Variants in WDR49 observed in about 807,000 individuals in gnomAD.
WDR49 encodes the protein cilia- and flagella-associated protein 337.
A neutral mutation model predicts 119.5 loss-of-function variants in WDR49; 107 were observed. The ratio of observed to expected loss-of-function variants is 0.90; its 90% CI spans 0.77 to 1.05. The LOEUF (loss-of-function observed/expected upper bound fraction) is 1.05, where lower values mean the gene tolerates loss of function less well. Among genes scored for constraint, WDR49 ranks in the 50% least tolerant of loss-of-function variants. WDR49 has a pLI of 0.00. For missense variants in WDR49, 1,240 were observed against 1,220.5 expected, an observed-to-expected ratio of 1.02 and a Z score of -0.24; for synonymous variants, 425 against 418.8, an observed-to-expected ratio of 1.01 and a Z score of -0.18.
upstream of WDR49, among the ~76,000 whole-genome samples, chr3:167,656,655 C>T (rs1329806073): frequency 1.4e-4 from 21 of 152,192 alleles, no homozygotes; most frequent in Admixed American, 1.4e-3. Flanking sequence ...AGTTTTCTTG[C>T]TATAAAATTA....
At chr3:167,517,662 T>C (rs2108227198) in intron 16 of WDR49, among the ~76,000 whole-genome samples, 1 of 152,030 alleles carries the variant, frequency 6.6e-6, no homozygotes, top group South Asian at 2.1e-4. Flanking sequence ...AAACTAAAAA[T>C]TGACCAATGA....
intron 2 of WDR49, among the ~76,000 whole-genome samples, chr3:167,629,365 G>A (rs1264124411): frequency 1.3e-5 from 2 of 152,060 alleles, no homozygotes; most frequent in African/African-American, 4.8e-5. Flanking sequence ...GAAGCCCACT[G>A]CTAAGACGTA....
chr3:167,604,662 A>G (rs1715957581), intron 5 of WDR49, among the ~76,000 whole-genome samples, 194 bp from the exon 6 acceptor site: 1 of 152,160 alleles, frequency 6.6e-6, no homozygotes, highest in Non-Finnish European at 1.5e-5. Flanking sequence ...AGTTACAGGA[A>G]ATTCTACATT....
intron 13 of WDR49, among the ~76,000 whole-genome samples, chr3:167,529,812 G>C (rs1752779891): frequency 6.6e-6 from 1 of 152,022 alleles, no homozygotes; most frequent in African/African-American, 2.4e-5. Flanking sequence ...AATGAGCCTA[G>C]AACTAACCTT....
In WDR49 at chr3:167,522,339, T is replaced by A; in HGVS notation, c.2750A>T (p.Lys917Ile). 1 of 1,587,122 alleles carries A rather than the reference T, an allele frequency of 6.3e-7. No individual in the cohort carries two copies. Among genetic ancestry groups the A allele is most frequent in the Non-Finnish European group, 8.5e-7 (1 of 1,173,836 alleles). The change falls in exon 16 of 19, where the codon AAA (lysine) becomes ATA (isoleucine). Residue 917 changes from lysine (K) to isoleucine (I), a missense_variant. Lys to Ile is a moderately radical substitution (Grantham distance 102). Transcript: ENST00000682715. ...CTTGTATGTTGAGTCATCTTTGTTT[T>A]TCTTATTAAGTAGAGAATGTTCTGT... ...DPTEHSLLNK[K>I]NKDDSTYNVR...
intron 7 of WDR49, among the ~76,000 whole-genome samples, chr3:167,585,415 T>C (rs1159456301): frequency 6.6e-6 from 1 of 151,626 alleles, no homozygotes; most frequent in African/African-American, 2.4e-5. Flanking sequence ...TGTGTGTGTG[T>C]GTGTGTGTGT....
chr3:167,652,092 C>T (rs1268228467), intron 2 of WDR49, among the ~76,000 whole-genome samples: 1 of 152,138 alleles, frequency 6.6e-6, no homozygotes, highest in Non-Finnish European at 1.5e-5. Context: ...GGGCACTGGG[C>T]ATGAGCAGCA....
chr3:167,488,166 AC>A (rs1207768606), intron 18 of WDR49, among the ~76,000 whole-genome samples: 1 of 150,978 alleles, frequency 6.6e-6, no homozygotes, highest in Non-Finnish European at 1.5e-5. Context: ...ACACACACAC[AC>A]ACACACACAC....
In WDR49 at chr3:167,604,337, G is replaced by A. The variant is rs2108307929; in HGVS notation, c.1090C>T (p.His364Tyr). The change falls in exon 6 of 19, where the codon CAT becomes TAT. Residue 364 changes from histidine to tyrosine, a missense_variant. His to Tyr is a moderately conservative substitution (Grantham distance 83). Coordinates refer to ENST00000682715, the MANE Select transcript of WDR49 (RefSeq NM_001366157.1). The stretch of plus-strand genomic sequence containing the variant: ...AGCCGAGAGTGATAATCAAAAGCAT[G>A]AATGCCCTGGGCAATGTTGAAGGAT... ...MTSFNIAQGI[H>Y]AFDYHSRLNL... The A allele has an allele frequency of 6.2e-7, 1 of 1,613,734 alleles. No homozygotes were observed. Among genetic ancestry groups the A allele is most frequent in the South Asian group, 1.1e-5 (1 of 91,038 alleles).
At chr3:167,570,153 T>C (rs1029395067) in intron 8 of WDR49, among the ~76,000 whole-genome samples, 1 of 152,022 alleles carries the variant, frequency 6.6e-6, no homozygotes, top group Non-Finnish European at 1.5e-5. Context: ...TGGATGTCAC[T>C]TGGTGCCCAG....
At chr3:167,520,501 G>T (rs966028987) in intron 16 of WDR49, among the ~76,000 whole-genome samples, 1 of 152,108 alleles carries the variant, frequency 6.6e-6, no homozygotes, top group African/African-American at 2.4e-5. Flanking sequence ...TTCTATGATT[G>T]TACAGGATTG....
At chr3:167,594,275 T>C (rs1290368498) in intron 7 of WDR49, among the ~76,000 whole-genome samples, 1 of 152,188 alleles carries the variant, frequency 6.6e-6, no homozygotes, top group Middle Eastern at 3.2e-3. Context: ...TCAAATTGTT[T>C]TGACCAAAAT....
At chr3:167,631,361 G>C (rs966853503) in intron 2 of WDR49, among the ~76,000 whole-genome samples, 1 of 152,060 alleles carries the variant, frequency 6.6e-6, no homozygotes, top group Non-Finnish European at 1.5e-5. Context: ...TACAATATGA[G>C]AGCTGAAACA....
At chr3:167,540,322 G>T (rs747804065) in intron 10 of WDR49, among the ~76,000 whole-genome samples, 1 of 152,116 alleles carries the variant, frequency 6.6e-6, no homozygotes, top group Admixed American at 6.5e-5. Flanking sequence ...GCAGGTGCTG[G>T]TACCTATGGC....
intron 18 of WDR49, among the ~76,000 whole-genome samples, chr3:167,484,525 T>C (rs1360772456): frequency 1.3e-5 from 2 of 152,094 alleles, no homozygotes; most frequent in East Asian, 3.9e-4. Context: ...TGATCTTTTC[T>C]TCTTGAGTTA....
chr3:167,621,261 A>G (rs751978394), intron 4 of WDR49, among the ~76,000 whole-genome samples: 5 of 152,062 alleles, frequency 3.3e-5, no homozygotes, highest in Admixed American at 2.0e-4. Flanking sequence ...CCAAAAAAAC[A>G]AACAAACCCC....
chr3:167,545,481 G>A (rs1202627355), intron 10 of WDR49, among the ~76,000 whole-genome samples: 7 of 117,870 alleles, frequency 5.9e-5, no homozygotes, highest in Non-Finnish European at 1.3e-4. Flanking sequence ...TAAAGAAAAT[G>A]TACCATATAT....
chr3:167,512,455 G>T (rs1250879524), intron 16 of WDR49, among the ~76,000 whole-genome samples: 1 of 152,086 alleles, frequency 6.6e-6, no homozygotes. Flanking sequence ...CTCATCCAAA[G>T]GTCAGGAGCC....
intron 2 of WDR49, among the ~76,000 whole-genome samples, chr3:167,629,630 C>T (rs79451208): frequency 2.6e-5 from 4 of 151,986 alleles, no homozygotes; most frequent in East Asian, 1.9e-4. Flanking sequence ...AATTAAAAAC[C>T]TTTTGGAAAG....
Sources: allele counts gnomAD v4.1 joint callset (sites outside exome capture counted in the v4.1 genomes callset), GRCh38; gene constraint gnomAD v4.1.1; transcripts MANE v1.5; gene names NCBI Gene and HGNC (gene_info 2026-07-23, HGNC 2026-07-21).